The following CNOT4 variants were observed in gnomAD, a reference collection of about 807,000 sequenced individuals.
CNOT4 encodes the protein CCR4-associated factor 4.
A neutral mutation model predicts 73.8 loss-of-function variants in CNOT4; 8 were observed. The ratio of observed to expected loss-of-function variants is 0.11; its 90% CI spans 0.06 to 0.20. CNOT4 has a LOEUF of 0.20. Among genes scored for constraint, CNOT4 ranks in the 10% least tolerant of loss-of-function variants. The pLI is 1.00. For synonymous variants in CNOT4, 293 were observed against 321.1 expected, an observed-to-expected ratio of 0.91 and a Z score of 0.94; for missense variants, 564 against 883.4, an observed-to-expected ratio of 0.64 and a Z score of 4.58.
chr7:135,490,298 C>T (rs146450412), intron 1 of CNOT4, among the ~76,000 whole-genome samples: 316 of 152,242 alleles, frequency 2.1e-3, no homozygotes, highest in Middle Eastern at 0.01. Context: ...GTAGAAAATA[C>T]TAATTCAAAT....
In CNOT4 at chr7:135,398,350, T is replaced by C. The variant is rs1796816283; in HGVS notation, c.822-124A>G. The C allele has an allele frequency of 1.1e-5, 7 of 621,844 alleles. No homozygotes were observed. The South Asian group carries it at 1.4e-4, about 12-fold the overall frequency. 38.5% of individuals were successfully genotyped at this position (621,844 alleles called of 1,614,324 possible). ...TCTTAACAAATGTTTATTGAGGTAC[T>C]GGGAAGTAAAACATTGATTAAATGT... is the stretch of plus-strand genomic sequence containing the variant. On this transcript the variant is annotated intron_variant, in intron 7 of 11. Coordinates refer to ENST00000541284, the MANE Select transcript of CNOT4 (RefSeq NM_001190850.2).
At chr7:135,506,523 T>G (rs1476999836) in intron 1 of CNOT4, among the ~76,000 whole-genome samples, 4 of 152,190 alleles carry the variant, frequency 2.6e-5, no homozygotes, top group Non-Finnish European at 5.9e-5. Context: ...TTTAAACATA[T>G]TTAATTGAGT....
chr7:135,415,104 G>T, intron 4 of CNOT4, 72 bp downstream of exon 4: 1 of 875,278 alleles, frequency 1.1e-6, no homozygotes. Flanking sequence ...AGAGAGCAAA[G>T]TTTCCTTTGG....
At position 135,394,027 on chromosome 7, in the gene CNOT4, A is replaced by G. The variant is rs757957704; in HGVS notation, c.1518T>C (p.Asn506=). 1.2e-6 allele frequency: 2 copies of G among 1,614,036 alleles called. No individual in the cohort carries two copies. Among genetic ancestry groups the G allele is most frequent in the African/African-American group, 1.3e-5 (1 of 74,920 alleles). The change falls in exon 10 of 12, where the codon AAT becomes AAC. Residue 506 remains asparagine (N), a synonymous_variant. Transcript: ENST00000541284. ...ARYPWMAFPR[N]SIMHLNHTAN... is the part of the protein sequence containing the mutation. ...CTGTGTGGTTCAAGTGCATGATGCT[A>G]TTGCGTGGAAAGGCCATCCAAGGAT...
intron 10 of CNOT4, among the ~76,000 whole-genome samples, chr7:135,389,217 T>C (rs1205903333): frequency 6.7e-6 from 1 of 149,112 alleles, no homozygotes; most frequent in Non-Finnish European, 1.5e-5. Context: ...AATTGGACCC[T>C]TATAGATACT....
intron 10 of CNOT4, among the ~76,000 whole-genome samples, chr7:135,393,304 AC>A (rs1305360294): frequency 6.6e-6 from 1 of 152,222 alleles, no homozygotes; most frequent in Non-Finnish European, 1.5e-5. Flanking sequence ...AGAAATAAAA[AC>A]ATGGCAGATC....
intron 10 of CNOT4, among the ~76,000 whole-genome samples, chr7:135,392,131 T>C (rs1411629621): frequency 6.6e-6 from 1 of 152,066 alleles, no homozygotes; most frequent in Non-Finnish European, 1.5e-5. Flanking sequence ...ATCTAAGATA[T>C]GATAGTAGGG....
intron 2 of CNOT4, among the ~76,000 whole-genome samples, chr7:135,425,955 C>T (rs968050151): frequency 8.6e-5 from 13 of 151,972 alleles, no homozygotes; most frequent in Non-Finnish European, 1.9e-4. Flanking sequence ...GGGCTGGGTG[C>T]GGTGGCTCAC....
chr7:135,472,517 AT>A, intron 1 of CNOT4, among the ~76,000 whole-genome samples: 1 of 10,132 alleles, frequency 9.9e-5, no homozygotes, highest in African/African-American at 4.2e-4. Flanking sequence ...AAAAAAAAAT[AT>A]ATATATATAT....
chr7:135,393,867 C>T, intron 10 of CNOT4, 51 bp downstream of exon 10: 1 of 1,360,826 alleles, frequency 7.3e-7, no homozygotes, highest in African/African-American at 1.5e-5. Context: ...CACCCAACAA[C>T]CTGAAAATAT....
intron 1 of CNOT4, among the ~76,000 whole-genome samples, chr7:135,469,818 TTTTG>T (rs145972218): frequency 0.05 from 7,629 of 151,926 alleles, 649 homozygotes; most frequent in African/African-American, 0.17. Context: ...GTGTGGGTTT[TTTTG>T]TTTGTTTGTT....
chr7:135,398,640 T>C (rs1474895275), intron 7 of CNOT4, among the ~76,000 whole-genome samples: 1 of 152,076 alleles, frequency 6.6e-6, no homozygotes, highest in Non-Finnish European at 1.5e-5. Context: ...TCAACCTGTA[T>C]AAAATCTCTA....
chr7:135,459,631 T>C (rs1045621664), intron 1 of CNOT4, among the ~76,000 whole-genome samples: 1 of 152,176 alleles, frequency 6.6e-6, no homozygotes, highest in Non-Finnish European at 1.5e-5. Context: ...AAGTCCCTCA[T>C]ATAAAATGGT....
chr7:135,422,130 A>G (rs754365546), intron 3 of CNOT4, 26 bp downstream of exon 3: 1 of 1,404,962 alleles, frequency 7.1e-7, no homozygotes, highest in Non-Finnish European at 1.0e-6. Context: ...AAATATCAAG[A>G]TGACAAAGAA....
At chr7:135,469,139 G>C (rs531140554) in intron 1 of CNOT4, among the ~76,000 whole-genome samples, 2 of 151,998 alleles carry the variant, frequency 1.3e-5, no homozygotes, top group Non-Finnish European at 2.9e-5. Context: ...ATGATTCCCA[G>C]TATAACTCTG....
intron 10 of CNOT4, chr7:135,387,161 T>C: frequency 1.0e-6 from 1 of 979,956 alleles, no homozygotes; most frequent in Non-Finnish European, 1.2e-6. Flanking sequence ...ACAATATTAA[T>C]AAGTCTACAG....
At chr7:135,433,781 G>A (rs1798994890) in intron 2 of CNOT4, among the ~76,000 whole-genome samples, 2 of 152,272 alleles carry the variant, frequency 1.3e-5, no homozygotes, top group South Asian at 2.1e-4. Context: ...AATCAATACA[G>A]AATGCCACAT....
chr7:135,480,294 T>C (rs1291836876), intron 1 of CNOT4, among the ~76,000 whole-genome samples: 1 of 152,246 alleles, frequency 6.6e-6, no homozygotes, highest in African/African-American at 2.4e-5. Context: ...TAATCATTGA[T>C]ATAGCACTCT....
rs760247869 is a variant in CNOT4, at chr7:135,411,356, C to CAGG, written c.688-711_688-709dup. On this transcript the variant is annotated intron_variant, in intron 6 of 11. Coordinates refer to ENST00000541284, the MANE Select transcript of CNOT4 (RefSeq NM_001190850.2). Reference sequence around the variant, plus strand: ...TTTGGCTGCCATTCTGCTACAAAGGCAGGATGTAGTAGTGCAACAGAGGCA... The same window carrying CAGG: ...TTTGGCTGCCATTCTGCTACAAAGGCAGGAGGATGTAGTAGTGCAACAGAGGCA... Among the ~76,000 whole-genome samples the CAGG allele has an allele frequency of 2.6e-4, 39 of 152,090 alleles. No homozygotes were observed. In the Middle Eastern group the frequency reaches 0.01, roughly 40 times the overall value.
Sources: allele counts gnomAD v4.1 joint callset (sites outside exome capture counted in the v4.1 genomes callset), GRCh38; gene constraint gnomAD v4.1.1; transcripts MANE v1.5; gene names NCBI Gene and HGNC (gene_info 2026-07-23, HGNC 2026-07-21).